The following SGCD variants were observed in gnomAD, a reference collection of about 807,000 sequenced individuals.
SGCD encodes sarcoglycan delta.
Under a neutral mutation model 36.6 loss-of-function variants are expected in SGCD, and 18 were observed. The ratio of observed to expected loss-of-function variants is 0.49; its 90% CI spans 0.34 to 0.73. The LOEUF (loss-of-function observed/expected upper bound fraction) is 0.73, where lower values mean the gene tolerates loss of function less well. Among genes scored for constraint, SGCD ranks in the 30% least tolerant of loss-of-function variants. The pLI is 0.01. For missense variants in SGCD, 387 were observed against 346.7 expected, an observed-to-expected ratio of 1.12 and a Z score of -0.92; for synonymous variants, 133 against 130.6, an observed-to-expected ratio of 1.02 and a Z score of -0.12.
intron 1 of SGCD, among the ~76,000 whole-genome samples, chr5:155,930,788 G>A (rs1457336558): frequency 6.6e-6 from 1 of 152,042 alleles, no homozygotes; most frequent in African/African-American, 2.4e-5. Flanking sequence ...ATCAAACATT[G>A]TTCATACTTG....
chr5:155,764,592 C>T, the SGCD span, among the ~76,000 whole-genome samples: 1 of 152,184 alleles, frequency 6.6e-6, no homozygotes, highest in Non-Finnish European at 1.5e-5. Context: ...AGCCAAACTG[C>T]TGGAGCCCAT....
the SGCD span, among the ~76,000 whole-genome samples, chr5:155,751,776 C>T: frequency 6.6e-6 from 1 of 151,892 alleles, no homozygotes; most frequent in Non-Finnish European, 1.5e-5. Context: ...CAACGTTCTG[C>T]TCTTTTTTGT....
chr5:156,225,763 G>A (rs1438177349), intron 3 of SGCD, among the ~76,000 whole-genome samples: 1 of 151,944 alleles, frequency 6.6e-6, no homozygotes, highest in Non-Finnish European at 1.5e-5. Flanking sequence ...ACTGACAGGA[G>A]AGAATTTTTG....
chr5:156,633,469 G>A (rs116229180), intron 6 of SGCD, among the ~76,000 whole-genome samples: 3,665 of 152,186 alleles, frequency 0.024, 151 homozygotes, highest in Admixed American at 0.1. Flanking sequence ...CATGTTTAGC[G>A]GGGAGTTAAG....
At chr5:156,175,208 A>G (rs1268042937) in intron 3 of SGCD, among the ~76,000 whole-genome samples, 1 of 152,198 alleles carries the variant, frequency 6.6e-6, no homozygotes, top group Non-Finnish European at 1.5e-5. Flanking sequence ...GGTATTTAGG[A>G]TGAATTGCTA....
chr5:155,890,532 C>T (rs991002730), intron 1 of SGCD, among the ~76,000 whole-genome samples: 12 of 151,982 alleles, frequency 7.9e-5, no homozygotes, highest in East Asian at 3.9e-4. Context: ...TGCATGAGCC[C>T]GGGAGGTTGA....
chr5:156,220,242 T>C (rs1210933478), intron 3 of SGCD, among the ~76,000 whole-genome samples: 2 of 152,188 alleles, frequency 1.3e-5, no homozygotes, highest in Non-Finnish European at 1.5e-5. Flanking sequence ...TTTATTGCTA[T>C]AGAAGTCCTG....
intron 1 of SGCD, among the ~76,000 whole-genome samples, chr5:155,991,918 G>A (rs1758439937): frequency 6.6e-6 from 1 of 152,096 alleles, no homozygotes; most frequent in African/African-American, 2.4e-5. Flanking sequence ...TGATAGCACT[G>A]GGGGATAAGA....
chr5:155,997,770 T>C (rs1315821267), intron 1 of SGCD, among the ~76,000 whole-genome samples: 1 of 152,232 alleles, frequency 6.6e-6, no homozygotes, highest in African/African-American at 2.4e-5. Context: ...GAGGAATATT[T>C]TAATTTCAAA....
rs188465766 is a variant in SGCD at position 156,102,039 on chromosome 5, C to T, written c.-281-15839C>T. 8.3e-3 allele frequency among the ~76,000 whole-genome samples: 1,252 copies of T among 151,720 alleles called. 12 individuals carry two copies. Among genetic ancestry groups the T allele is most frequent in the Non-Finnish European group, 0.011 (774 of 67,904 alleles). On this transcript the variant is annotated intron_variant, in intron 1 of 9. Coordinates refer to the SGCD transcript ENST00000517913. ...TTATGGACTCATAGCATTTTTACTT[C>T]CCTTCATTACACTTGCAGGTCCATT... is the stretch of plus-strand genomic sequence containing the variant.
At chr5:155,762,143 T>C in the SGCD span, among the ~76,000 whole-genome samples, 1 of 152,212 alleles carries the variant, frequency 6.6e-6, no homozygotes, top group Admixed American at 6.5e-5. Flanking sequence ...TATACAATTA[T>C]ACAATTTGTT....
chr5:155,727,911 G>C, the SGCD span, among the ~76,000 whole-genome samples: 1 of 152,314 alleles, frequency 6.6e-6, no homozygotes, highest in African/African-American at 2.4e-5. Context: ...GAGTGGAGAG[G>C]GGGCTCAAGG....
chr5:155,942,683 C>A (rs1757352563), intron 1 of SGCD, among the ~76,000 whole-genome samples: 1 of 151,220 alleles, frequency 6.6e-6, no homozygotes, highest in Admixed American at 6.6e-5. Flanking sequence ...ATAACAATGA[C>A]AGAAACAGAT....
At chr5:155,783,335 A>G in the SGCD span, among the ~76,000 whole-genome samples, 3 of 152,290 alleles carry the variant, frequency 2.0e-5, no homozygotes, top group South Asian at 4.1e-4. Context: ...GTTGCAAGTG[A>G]TACAGACCTA....
At chr5:156,643,794 T>C (rs1165782597) in intron 6 of SGCD, among the ~76,000 whole-genome samples, 1 of 152,176 alleles carries the variant, frequency 6.6e-6, no homozygotes, top group Non-Finnish European at 1.5e-5. Flanking sequence ...CCTTATCTTG[T>C]CAAGTAAAAT....
At chr5:155,809,528 T>G in the SGCD span, among the ~76,000 whole-genome samples, 4 of 152,154 alleles carry the variant, frequency 2.6e-5, no homozygotes, top group Non-Finnish European at 5.9e-5. Flanking sequence ...CTTTCTCACC[T>G]TTCTAATACC....
intron 7 of SGCD, among the ~76,000 whole-genome samples, chr5:156,708,023 A>T (rs1023869366): frequency 1.3e-5 from 2 of 152,200 alleles, no homozygotes; most frequent in Non-Finnish European, 1.5e-5. Flanking sequence ...GAATTCTACC[A>T]TCCTGATCCT....
At chr5:155,747,077 C>T in the SGCD span, among the ~76,000 whole-genome samples, 2 of 152,068 alleles carry the variant, frequency 1.3e-5, no homozygotes, top group Admixed American at 6.5e-5. Flanking sequence ...TGGCCACCTG[C>T]CTACTCTAAC....
chr5:155,944,749 AG>A (rs1377342241), intron 1 of SGCD, among the ~76,000 whole-genome samples: 1 of 152,202 alleles, frequency 6.6e-6, no homozygotes, highest in East Asian at 1.9e-4. Context: ...AAATGTGGTA[AG>A]TTTATGATTG....
Sources: allele counts gnomAD v4.1 joint callset (sites outside exome capture counted in the v4.1 genomes callset), GRCh38; gene constraint gnomAD v4.1.1; transcripts MANE v1.5; gene names NCBI Gene and HGNC (gene_info 2026-07-23, HGNC 2026-07-21).